The following GBP6 variants were observed in gnomAD, a reference collection of about 807,000 sequenced individuals.
The protein encoded by GBP6 is guanylate binding protein family member 6.
In GBP6, 54 loss-of-function variants were observed where a neutral mutation model predicts 61.5. The observed-to-expected ratio is 0.88, with a 90% CI of 0.71 to 1.10. The LOEUF (loss-of-function observed/expected upper bound fraction) is 1.10, where lower values mean the gene tolerates loss of function less well. GBP6 is among the 50% of genes least tolerant of loss of function. The pLI, the probability that GBP6 is intolerant of heterozygous loss-of-function variation, is 0.00. For synonymous variants in GBP6, 255 were observed against 273.7 expected (o/e 0.93, Z 0.67); for missense variants, 748 against 752.8 (o/e 0.99, Z 0.07).
chr1:89,381,772 C>G lies in GBP6; in HGVS notation c.950C>G (p.Thr317Ser). 1.2e-6 allele frequency: 2 copies of G among 1,614,170 alleles called. No homozygotes were observed. Among genetic ancestry groups the G allele is most frequent in the Non-Finnish European group, 1.7e-6 (2 of 1,180,016 alleles). Reference sequence around the variant, plus strand: ...CCTTGTCTGGAGAATGCAGTGATAACTCTGGCCCAGCGTGAGAACTCAGCG... The same window carrying G: ...CCTTGTCTGGAGAATGCAGTGATAAGTCTGGCCCAGCGTGAGAACTCAGCG... ...AVPCLENAVI[T>S]LAQRENSAAV... The change falls in exon 7 of 11, where the codon ACT becomes AGT. Residue 317 changes from threonine to serine, a missense_variant. By Grantham distance (58) the Thr-to-Ser change is moderately conservative (BLOSUM62 1). Coordinates refer to ENST00000370456, the MANE Select transcript of GBP6 (RefSeq NM_198460.3).
chr1:89,376,264 G>T (rs895186367), intron 3 of GBP6, among the ~76,000 whole-genome samples: 1 of 152,150 alleles, frequency 6.6e-6, no homozygotes, highest in African/African-American at 2.4e-5. Flanking sequence ...AAATATAAAA[G>T]AACAGATATC....
Position 89,385,442 on chromosome 1 carries a change from C to CT in GBP6, c.1878dup (p.Lys627Ter). ...ATGGTGTCAAAGGTGTGAGCTCACT[C>CT]TTTAAAAAGCATAAGCTCCCCTTTT... On this transcript the variant is annotated frameshift_variant, in exon 11 of 11. Transcript: ENST00000370456. LOFTEE classifies it low-confidence loss of function (END_TRUNC). The CT allele has an allele frequency of 3.7e-6, 6 of 1,613,864 alleles. No homozygotes were observed. Among genetic ancestry groups the CT allele is most frequent in the Non-Finnish European group, 5.1e-6 (6 of 1,179,924 alleles).
rs546609836 is a variant in GBP6 at position 89,380,463 on chromosome 1, G to A, written c.703G>A (p.Val235Ile). 1.0e-4 allele frequency: 166 copies of A among 1,613,932 alleles called. 1 individual carries two copies. The South Asian group carries it at 1.6e-3, about 16-fold the overall frequency. ...RRFFPKRKCF[V>I]FDRPTNDKDL... The stretch of plus-strand genomic sequence containing the variant: ...TTTCTTTCCAAAACGGAAGTGTTTC[G>A]TCTTTGACCGGCCAACAAATGACAA... Residue 235 changes from valine to isoleucine, a missense_variant, in exon 6 of 11, where the codon GTC becomes ATC. Physicochemically the swap from Val to Ile is conservative, Grantham distance 29. Transcript: ENST00000370456.
intron 1 of GBP6, among the ~76,000 whole-genome samples, chr1:89,366,213 T>A (rs969114169): frequency 1.4e-4 from 22 of 152,242 alleles, no homozygotes; most frequent in Non-Finnish European, 2.8e-4. Context: ...TAGATATCTA[T>A]AATTTATCTC....
At chr1:89,374,982 T>C (rs533875730) in intron 3 of GBP6, among the ~76,000 whole-genome samples, 1 of 152,310 alleles carries the variant, frequency 6.6e-6, no homozygotes, top group East Asian at 1.9e-4. Context: ...CCGTATGTTC[T>C]TATCATTTAG....
intron 9 of GBP6, 69 bp downstream of exon 9, chr1:89,383,823 G>A: frequency 8.3e-7 from 1 of 1,202,312 alleles, no homozygotes; most frequent in Non-Finnish European, 1.2e-6. Context: ...GATCTAACAG[G>A]AAAACCTTCC....
chr1:89,378,701 T>A, intron 5 of GBP6, 88 bp downstream of exon 5: 1 of 1,059,910 alleles, frequency 9.4e-7, no homozygotes, highest in Non-Finnish European at 1.4e-6. Flanking sequence ...TTCATTTGTA[T>A]TTGAGACTAG....
Position 89,380,517 on chromosome 1 carries a change from T to A in GBP6, c.757T>A (p.Ser253Thr). ...KDLLANIEKV[S>T]EKQLDPKFQE... ...CCTTCTAGCCAATATTGAGAAGGTG[T>A]CAGAAAAGCAACTGGATCCCAAATT... The change falls in exon 6 of 11, where the codon TCA becomes ACA. Residue 253 changes from serine to threonine, a missense_variant. Ser to Thr is a moderately conservative substitution (Grantham distance 58, BLOSUM62 1). Transcript: ENST00000370456. 1 of 1,614,102 alleles carries A rather than the reference T, an allele frequency of 6.2e-7. No homozygotes were observed. The highest frequency in any genetic ancestry group is 2.2e-5 in the East Asian group (1 of 44,866).
In GBP6 at chr1:89,383,725, C is replaced by G; in HGVS notation, c.1439C>G (p.Ala480Gly). Residue 480 changes from alanine (A) to glycine (G), a missense_variant, in exon 9 of 11, where the codon GCC becomes GGC. Transcript: ENST00000370456. The part of the protein sequence containing the change: ...IEESILQSDK[A>G]LTDREKAVAV... ...GAATCCATCTTGCAGTCAGATAAAG[C>G]CCTCACTGATAGAGAGAAGGCAGTA... 3 of 1,612,644 alleles carry G rather than the reference C, an allele frequency of 1.9e-6. No homozygotes were observed. In the South Asian group the frequency reaches 3.3e-5, roughly 18 times the overall value.
In GBP6 at chr1:89,382,785, G is replaced by T. The variant is rs1653016704; in HGVS notation, c.1274G>T (p.Ser425Ile). The T allele has an allele frequency of 4.3e-6, 7 of 1,614,028 alleles. No homozygotes were observed. In the East Asian group the frequency reaches 1.6e-4, roughly 36 times the overall value. The change falls in exon 8 of 11, where the codon AGT becomes ATT. Residue 425 changes from serine to isoleucine, a missense_variant. Physicochemically the swap from Ser to Ile is moderately radical, Grantham distance 142. Coordinates refer to ENST00000370456, the MANE Select transcript of GBP6 (RefSeq NM_198460.3). ...KGLMESISAGSFSVPGGHKLY... is the reference protein window; with the variant it reads ...KGLMESISAGIFSVPGGHKLY... The stretch of plus-strand genomic sequence containing the variant: ...CTAATGGAAAGTATCTCAGCAGGAA[G>T]TTTCTCTGTTCCTGGAGGGCACAAG...
intron 1 of GBP6, among the ~76,000 whole-genome samples, chr1:89,366,068 C>T (rs1411841351): frequency 6.6e-6 from 1 of 152,068 alleles, no homozygotes; most frequent in Non-Finnish European, 1.5e-5. Flanking sequence ...TAAACTTCAC[C>T]TCTAAAAATA....
chr1:89,384,384 A>ATGGTGATGTGCTTCCTT, intron 10 of GBP6, 98 bp downstream of exon 10: 1 of 927,956 alleles, frequency 1.1e-6, no homozygotes, highest in Non-Finnish European at 1.6e-6. Context: ...AAGGAAGCAC[A>ATGGTGATGTGCTTCCTT]TCACCATTTG....
In GBP6 at chr1:89,385,413, G is replaced by C. The variant is rs189700583; in HGVS notation, c.1846G>C (p.Gly616Arg). 8.5e-5 allele frequency: 137 copies of C among 1,614,060 alleles called. No individual in the cohort carries two copies. In the East Asian group the frequency reaches 1.8e-3, roughly 21 times the overall value. Residue 616 changes from glycine to arginine, a missense_variant, in exon 11 of 11, where the codon GGT becomes CGT. Gly to Arg is a moderately radical substitution (Grantham distance 125). Coordinates refer to ENST00000370456, the MANE Select transcript of GBP6 (RefSeq NM_198460.3). ...AILSAPAKLI[G>R]HGVKGVSSLF... ...ATTGTCTGCTCCTGCTAAATTAATT[G>C]GTCATGGTGTCAAAGGTGTGAGCTC...
chr1:89,370,378 A>G (rs1329644708), intron 3 of GBP6, among the ~76,000 whole-genome samples: 1 of 152,176 alleles, frequency 6.6e-6, no homozygotes, highest in African/African-American at 2.4e-5. Flanking sequence ...TGGAATTAGG[A>G]GAGTTCAGTT....
At position 89,380,605 on chromosome 1, in the gene GBP6, G is replaced by A; in HGVS notation, c.845G>A (p.Arg282Lys). The stretch of plus-strand genomic sequence containing the variant: ...ACTCATGCAAGAACCAAGACCCTCA[G>A]GGAGGGAATCACAGTCACTGGGAAT... ...IFTHARTKTL[R>K]EGITVTGNRL... Residue 282 changes from arginine to lysine, a missense_variant, in exon 6 of 11, where the codon AGG (arginine) becomes AAG (lysine). Physicochemically the swap from Arg to Lys is conservative, Grantham distance 26. Coordinates refer to ENST00000370456, the MANE Select transcript of GBP6 (RefSeq NM_198460.3). 2 of 1,613,878 alleles carry A rather than the reference G, an allele frequency of 1.2e-6. No homozygotes were observed. Among genetic ancestry groups the A allele is most frequent in the African/African-American group, 1.3e-5 (1 of 75,030 alleles).
At chr1:89,380,339 T>C in intron 5 of GBP6, 47 bp from the exon 6 acceptor site, 1 of 1,581,544 alleles carries the variant, frequency 6.3e-7, no homozygotes, top group Non-Finnish European at 8.7e-7. Context: ...AGCTCCCTTA[T>C]ACCAAGACTG....
chr1:89,385,345 T>C lies in GBP6; in HGVS notation c.1778T>C (p.Ile593Thr). 2 of 1,614,190 alleles carry C rather than the reference T, an allele frequency of 1.2e-6. No individual in the cohort carries two copies. The highest frequency in any genetic ancestry group is 1.7e-6 in the Non-Finnish European group (2 of 1,180,012). Residue 593 changes from isoleucine to threonine, a missense_variant, in exon 11 of 11, where the codon ATT (isoleucine) becomes ACT (threonine). Coordinates refer to ENST00000370456, the MANE Select transcript of GBP6 (RefSeq NM_198460.3). ...DTTKNDDTPW[I>T]ARTLDNLADE... ...ACAAAAAATGATGATACTCCCTGGA[T>C]TGCACGAACCTTGGACAACCTTGCC...
Position 89,378,489 on chromosome 1 carries a change from A to C in GBP6, c.501A>C (p.Thr167=). Residue 167 remains threonine (T), a synonymous_variant, in exon 5 of 11, where the codon ACA becomes ACC. Transcript: ENST00000370456. ...SPRPDGVEDS[T]EFVSFFPDFL... ...GGCCTGATGGAGTAGAAGATTCCAC[A>C]GAGTTTGTGAGTTTCTTCCCAGACT... 6.2e-7 allele frequency: 1 copy of C among 1,614,160 alleles called. No homozygotes were observed. The highest frequency in any genetic ancestry group is 8.5e-7 in the Non-Finnish European group (1 of 1,179,996).
chr1:89,383,969 G>A (rs982527730), intron 9 of GBP6, 124 bp from the exon 10 acceptor site: 12 of 1,024,488 alleles, frequency 1.2e-5, no homozygotes, highest in Non-Finnish European at 1.7e-5. Context: ...TTAATGGTGT[G>A]GACCTGGGTG....
Sources: gnomAD v4.1 joint callset for allele counts (sites outside exome capture counted in the v4.1 genomes callset) on GRCh38, gnomAD v4.1.1 for gene constraint, MANE v1.5 for transcripts, NCBI Gene and HGNC (gene_info 2026-07-23, HGNC 2026-07-21) for gene names.